The following CAST variants were observed in gnomAD, a reference collection of about 807,000 sequenced individuals.
CAST encodes the protein MIR583 host.
Under a neutral mutation model 119.6 loss-of-function variants are expected in CAST, and 76 were observed. The ratio of observed to expected loss-of-function variants is 0.64; its 90% CI spans 0.53 to 0.77. The LOEUF is 0.77. Ranked by LOEUF, CAST falls within the 30% of genes least tolerant of loss-of-function variation. CAST has a pLI of 0.00. For missense variants in CAST, 953 were observed against 946.5 expected, an observed-to-expected ratio of 1.01 and a Z score of -0.09; for synonymous variants, 319 against 331.6, an observed-to-expected ratio of 0.96 and a Z score of 0.41.
chr5:96,697,362 A>G (rs1437535465), intron 3 of CAST, among the ~76,000 whole-genome samples: 1 of 152,030 alleles, frequency 6.6e-6, no homozygotes, highest in South Asian at 2.1e-4. Flanking sequence ...CACTTGCTCA[A>G]TGAAGAGTTA....
chr5:96,669,773 G>A (rs971543979), intron 1 of CAST, among the ~76,000 whole-genome samples: 3 of 152,158 alleles, frequency 2.0e-5, no homozygotes, highest in African/African-American at 4.8e-5. Flanking sequence ...CATGGGTGCC[G>A]ACTCAGTGGG....
At chr5:96,720,922 T>A (rs1758125822) in intron 3 of CAST, among the ~76,000 whole-genome samples, 1 of 152,226 alleles carries the variant, frequency 6.6e-6, no homozygotes, top group Non-Finnish European at 1.5e-5. Context: ...ATTAAAGGAA[T>A]GGAATGCAGC....
At chr5:96,657,092 G>C (rs184582425), upstream of CAST, among the ~76,000 whole-genome samples, 1 of 152,334 alleles carries the variant, frequency 6.6e-6, no homozygotes, top group Admixed American at 6.5e-5. Context: ...AATGTGAAGT[G>C]ATCTGCAACA....
At chr5:96,702,214 C>T (rs1398839578) in intron 3 of CAST, among the ~76,000 whole-genome samples, 3 of 151,746 alleles carry the variant, frequency 2.0e-5, no homozygotes, top group African/African-American at 7.3e-5. Context: ...TTCTCTAACT[C>T]TTATCATTCA....
At chr5:96,526,911 G>A (rs1258773785), upstream of CAST, among the ~76,000 whole-genome samples, 1 of 152,204 alleles carries the variant, frequency 6.6e-6, no homozygotes, top group Non-Finnish European at 1.5e-5. Context: ...GCAAAGAGCA[G>A]CAGGAGAAGG....
the CAST span, among the ~76,000 whole-genome samples, chr5:96,027,260 T>A: frequency 3.3e-5 from 5 of 152,192 alleles, no homozygotes; most frequent in East Asian, 5.8e-4. Flanking sequence ...ACCCTTAATA[T>A]CAGCAACTAG....
the CAST span, chr5:96,421,992 TTAAAA>T: frequency 2.6e-5 from 10 of 388,362 alleles, no homozygotes; most frequent in Admixed American, 5.3e-5. Context: ...TGTGGCAGCA[TTAAAA>T]AAAAAAAAAA....
intron 3 of CAST, among the ~76,000 whole-genome samples, chr5:96,704,533 C>T (rs897383948): frequency 2.0e-5 from 3 of 152,184 alleles, no homozygotes; most frequent in South Asian, 2.1e-4. Flanking sequence ...ATCACTACTT[C>T]TTAGGTGGAA....
the CAST span, among the ~76,000 whole-genome samples, chr5:96,169,739 T>G: frequency 6.6e-6 from 1 of 151,820 alleles, no homozygotes; most frequent in Non-Finnish European, 1.5e-5. Flanking sequence ...TGGTTTAAGT[T>G]GGGGAGATAC....
chr5:96,770,360 C>G, intron 29 of CAST, 171 bp from the exon 30 acceptor site: 1 of 571,232 alleles, frequency 1.8e-6, no homozygotes, highest in South Asian at 2.1e-5. Flanking sequence ...CTGCTTTAAA[C>G]AATTCTCTGA....
chr5:96,025,713 A>G, the CAST span, among the ~76,000 whole-genome samples: 9 of 152,234 alleles, frequency 5.9e-5, no homozygotes, highest in African/African-American at 1.9e-4. Flanking sequence ...AAGAAGCTCA[A>G]TACAGAGAGA....
the CAST span, among the ~76,000 whole-genome samples, chr5:96,257,879 G>A: frequency 3.3e-5 from 5 of 152,218 alleles, no homozygotes; most frequent in African/African-American, 7.2e-5. Flanking sequence ...GCCATCCACA[G>A]TCGTGTACAC....
chr5:96,561,683 C>T (rs537718412), intron 1 of CAST, among the ~76,000 whole-genome samples: 1 of 150,416 alleles, frequency 6.6e-6, no homozygotes, highest in African/African-American at 2.4e-5. Context: ...GCATGTTCTG[C>T]ACATGTAACC....
At chr5:96,192,358 T>G in the CAST span, among the ~76,000 whole-genome samples, 1 of 152,356 alleles carries the variant, frequency 6.6e-6, no homozygotes, top group South Asian at 2.1e-4. Flanking sequence ...ATTAATGCAT[T>G]AAGATGTCTT....
At chr5:96,556,294 G>A (rs2150183331) in intron 1 of CAST, among the ~76,000 whole-genome samples, 1 of 152,338 alleles carries the variant, frequency 6.6e-6, no homozygotes, top group Non-Finnish European at 1.5e-5. Context: ...ACTCTAAAAA[G>A]CAGAGCGCCT....
chr5:96,201,057 G>C, the CAST span, among the ~76,000 whole-genome samples: 2 of 152,058 alleles, frequency 1.3e-5, no homozygotes, highest in Non-Finnish European at 1.5e-5. Flanking sequence ...GATATCCAAA[G>C]TATTTTTGAG....
intron 3 of CAST, among the ~76,000 whole-genome samples, chr5:96,700,468 T>A (rs1295360001): frequency 6.6e-6 from 1 of 152,178 alleles, no homozygotes; most frequent in Non-Finnish European, 1.5e-5. Flanking sequence ...TTAATGTACA[T>A]AATGAGTCAG....
chr5:96,342,066 G>T, the CAST span, among the ~76,000 whole-genome samples: 1 of 152,154 alleles, frequency 6.6e-6, no homozygotes, highest in African/African-American at 2.4e-5. Flanking sequence ...TATTCCCCAA[G>T]ATTCTTCTTC....
rs542982344 is a variant in CAST, at chr5:96,702,963, G to C, written c.210+7056G>C. 27 of 985,314 alleles carry C rather than the reference G, an allele frequency of 2.7e-5. No individual in the cohort carries two copies. In the African/African-American group the frequency reaches 4.7e-4, roughly 17 times the overall value. The allele number at this position is 985,314 out of a possible 1,614,324, so 61.0% of individuals were successfully genotyped here. A position where few individuals can be genotyped will look rare whatever the true frequency, so the allele number is the denominator to read the frequency against. ...TTGCTCCAGGCCGCGCGTGCTCCCG[G>C]GTCTAGGGCCTGTGCCCCCGGCTAC... On this transcript the variant is annotated intron_variant, in intron 3 of 31. Coordinates refer to ENST00000675179, the MANE Select transcript of CAST (RefSeq NM_001750.7).
Sources: gnomAD v4.1 joint callset for allele counts (sites outside exome capture counted in the v4.1 genomes callset) on GRCh38, gnomAD v4.1.1 for gene constraint, MANE v1.5 for transcripts, NCBI Gene and HGNC (gene_info 2026-07-23, HGNC 2026-07-21) for gene names.